The following UBAP2 variants were observed in gnomAD, a reference collection of about 807,000 sequenced individuals.
UBAP2 encodes the protein ubiquitin-associated protein 2.
In UBAP2, 75 loss-of-function variants were observed where a neutral mutation model predicts 139.6. The observed-to-expected ratio is 0.54, with a 90% CI of 0.45 to 0.65. UBAP2 has a LOEUF of 0.65. Among genes scored for constraint, UBAP2 ranks in the 30% least tolerant of loss-of-function variants. The pLI, the probability that UBAP2 is intolerant of heterozygous loss-of-function variation, is 0.00. For missense variants in UBAP2, 1,368 were observed against 1,369.6 expected (o/e 1.00, Z 0.02); for synonymous variants, 526 against 526.2 (o/e 1.00, Z 0.01).
chr9:34,002,929 T>C (rs1822847491), intron 2 of UBAP2, among the ~76,000 whole-genome samples: 1 of 151,914 alleles, frequency 6.6e-6, no homozygotes, highest in Admixed American at 6.6e-5. Context: ...GCTTAAGCAA[T>C]TCCTCTGCTC....
chr9:34,030,925 T>A (rs943793709), intron 1 of UBAP2, among the ~76,000 whole-genome samples: 1 of 148,160 alleles, frequency 6.7e-6, no homozygotes, highest in Non-Finnish European at 1.5e-5. Flanking sequence ...GCAAGACTCA[T>A]CTCAAAAAAA....
intron 2 of UBAP2, among the ~76,000 whole-genome samples, chr9:34,005,012 C>T (rs1436037881): frequency 6.6e-6 from 1 of 151,922 alleles, no homozygotes; most frequent in African/African-American, 2.4e-5. Context: ...CCTGTAATCC[C>T]AGCACTTTGG....
chr9:34,006,838 T>C (rs1232922133), intron 2 of UBAP2, among the ~76,000 whole-genome samples: 1 of 152,046 alleles, frequency 6.6e-6, no homozygotes, highest in African/African-American at 2.4e-5. Flanking sequence ...ACAAAAGCAA[T>C]GGGTTCAGAC....
rs72727330 is a variant in UBAP2, at chr9:33,924,317, T to C, written c.2512-33A>G. ...AGACCAGGGAGGCTTGATCAGCGAC[T>C]GGCCCTGCTTGACTCCCAGGAGAGC... On this transcript the variant is annotated intron_variant, in intron 22 of 28. Coordinates refer to ENST00000379238, the MANE Select transcript of UBAP2 (RefSeq NM_001370062.2). 205 of 1,596,894 alleles carry C rather than the reference T, an allele frequency of 1.3e-4. 1 individual carries two copies. The highest frequency in any genetic ancestry group is 1.7e-4 in the Non-Finnish European group (198 of 1,165,262).
chr9:34,046,457 C>T (rs577213800), intron 1 of UBAP2, among the ~76,000 whole-genome samples: 1 of 151,890 alleles, frequency 6.6e-6, no homozygotes, highest in African/African-American at 2.4e-5. Context: ...TCCCGGCTAA[C>T]ACAGTGAAAC....
At chr9:33,946,095 A>T (rs183823977) in intron 13 of UBAP2, among the ~76,000 whole-genome samples, 289 of 152,368 alleles carry the variant, frequency 1.9e-3, no homozygotes, top group African/African-American at 6.2e-3. Flanking sequence ...AAATGGTATT[A>T]AAAAATACAA....
intron 16 of UBAP2, among the ~76,000 whole-genome samples, chr9:33,937,274 A>G (rs183103534): frequency 2.4e-4 from 36 of 152,230 alleles, no homozygotes; most frequent in Non-Finnish European, 4.4e-4. Flanking sequence ...CTGGGGTGTA[A>G]ATAAGTAAAA....
At chr9:33,926,697 C>G (rs570546311) in intron 21 of UBAP2, 33 bp from the exon 22 acceptor site, 2 of 1,612,888 alleles carry the variant, frequency 1.2e-6, no homozygotes, top group East Asian at 4.5e-5. Context: ...ATTTTAGGAA[C>G]CACATACCAC....
intron 6 of UBAP2, among the ~76,000 whole-genome samples, chr9:33,983,094 G>A (rs913291708): frequency 1.3e-5 from 2 of 151,900 alleles, no homozygotes; most frequent in Non-Finnish European, 2.9e-5. Context: ...TGGCCAGGCT[G>A]GTCTCGAACT....
At chr9:33,973,111 G>T (rs1450440327) in intron 7 of UBAP2, 72 bp downstream of exon 7, 7 of 1,311,426 alleles carry the variant, frequency 5.3e-6, no homozygotes, top group African/African-American at 4.4e-5. Flanking sequence ...TTAGATGTAG[G>T]GTATTAGAAG....
chr9:33,930,952 C>T (rs991386884), intron 19 of UBAP2, among the ~76,000 whole-genome samples: 1 of 148,152 alleles, frequency 6.7e-6, no homozygotes, highest in Non-Finnish European at 1.5e-5. Flanking sequence ...TACATGTATG[C>T]ACTGCGTGTT....
chr9:33,999,882 GTATGTATGTATGTATGTATGTATGT>G (rs1288108653), intron 2 of UBAP2, among the ~76,000 whole-genome samples: 9 of 73,834 alleles, frequency 1.2e-4, no homozygotes, highest in Non-Finnish European at 1.6e-4. Flanking sequence ...ATGTATGTAT[GTATGTATGTATGTATGTATGTATGT>G]TATTTTGAGA....
intron 2 of UBAP2, among the ~76,000 whole-genome samples, chr9:34,006,330 T>C (rs1823214467): frequency 6.7e-6 from 1 of 150,248 alleles, no homozygotes; most frequent in Non-Finnish European, 1.5e-5. Context: ...CAGAAGAGAA[T>C]GAAATTAGAA....
chr9:34,039,131 C>A (rs1255736830), intron 1 of UBAP2, among the ~76,000 whole-genome samples: 1 of 151,998 alleles, frequency 6.6e-6, no homozygotes, highest in Non-Finnish European at 1.5e-5. Flanking sequence ...CGGCAGCCGG[C>A]CCGTCTGGGA....
chr9:33,958,657 C>T (rs1362794746), intron 10 of UBAP2, among the ~76,000 whole-genome samples: 4 of 150,532 alleles, frequency 2.7e-5, no homozygotes, highest in African/African-American at 4.9e-5. Flanking sequence ...ATCCGCCCAC[C>T]GCAGCCTCCC....
In UBAP2 at chr9:34,008,961, CAAAAAAAAAA is replaced by C. The variant is rs773189067; in HGVS notation, c.99+8079_99+8088del. Among the ~76,000 whole-genome samples the C allele has an allele frequency of 1.5e-4, 10 of 65,712 alleles. No homozygotes were observed. The South Asian group carries it at 3.7e-3, about 24-fold the overall frequency. 43.1% of individuals were successfully genotyped at this position (65,712 alleles called of 152,430 possible). On this transcript the variant is annotated intron_variant, in intron 2 of 28. Coordinates refer to ENST00000379238, the MANE Select transcript of UBAP2 (RefSeq NM_001370062.2). ...GCCTGGCGACACAGCGAGACTGTCT[CAAAAAAAAAA>C]AAAAAAAAAAAAAAAAGTTAACATT...
chr9:34,043,964 C>T (rs542270072), intron 1 of UBAP2, among the ~76,000 whole-genome samples: 16 of 150,660 alleles, frequency 1.1e-4, no homozygotes, highest in African/African-American at 3.9e-4. Flanking sequence ...CCTGTCTCTA[C>T]AAAAAATACG....
At chr9:33,970,506 T>C (rs1471732758) in intron 8 of UBAP2, among the ~76,000 whole-genome samples, 2 of 151,844 alleles carry the variant, frequency 1.3e-5, no homozygotes, top group Non-Finnish European at 2.9e-5. Flanking sequence ...CATAGCTCAC[T>C]GCATCCTCAA....
At chr9:33,928,128 A>C (rs1823637484) in intron 19 of UBAP2, 136 bp from the exon 20 acceptor site, 1 of 878,548 alleles carries the variant, frequency 1.1e-6, no homozygotes, top group African/African-American at 1.7e-5. Context: ...GGCTCCCTTA[A>C]GGTGAGAGGC....
Sources: allele counts gnomAD v4.1 joint callset (sites outside exome capture counted in the v4.1 genomes callset), GRCh38; gene constraint gnomAD v4.1.1; transcripts MANE v1.5; gene names NCBI Gene and HGNC (gene_info 2026-07-23, HGNC 2026-07-21).